The following CDKAL1 variants were observed in gnomAD, a reference collection of about 807,000 sequenced individuals.
CDKAL1 encodes the protein threonylcarbamoyladenosine tRNA methylthiotransferase.
In CDKAL1, 32 loss-of-function variants were observed where a neutral mutation model predicts 68.2. The ratio of observed to expected loss-of-function variants is 0.47; its 90% CI spans 0.35 to 0.63. The LOEUF (loss-of-function observed/expected upper bound fraction) is 0.63. Ranked by LOEUF, CDKAL1 falls within the 30% of genes least tolerant of loss-of-function variation. The pLI is 0.00. For synonymous variants in CDKAL1, 234 were observed against 244.3 expected (o/e 0.96, Z 0.39); for missense variants, 606 against 696.7 (o/e 0.87, Z 1.47).
intron 9 of CDKAL1, among the ~76,000 whole-genome samples, chr6:20,911,046 C>A (rs980513262): frequency 6.6e-6 from 1 of 152,196 alleles, no homozygotes; most frequent in East Asian, 1.9e-4. Flanking sequence ...CCACCCTGTT[C>A]GTAGTACTTT....
chr6:21,064,131 T>A (rs1036346858), intron 11 of CDKAL1, among the ~76,000 whole-genome samples: 1 of 152,206 alleles, frequency 6.6e-6, no homozygotes, highest in African/African-American at 2.4e-5. Flanking sequence ...ACTTTTTGAC[T>A]TGGAGTGCTA....
chr6:20,758,443 T>C (rs1168415470), intron 6 of CDKAL1, 152 bp from the exon 7 acceptor site: 1 of 582,632 alleles, frequency 1.7e-6, no homozygotes, highest in Admixed American at 3.1e-5. Context: ...AATATTAATA[T>C]AGGATATTTT....
intron 9 of CDKAL1, among the ~76,000 whole-genome samples, chr6:20,916,390 G>A (rs563033421): frequency 6.6e-6 from 1 of 152,180 alleles, no homozygotes; most frequent in Non-Finnish European, 1.5e-5. Flanking sequence ...TTTTTGGAAG[G>A]ATGGAGGAAG....
intron 13 of CDKAL1, among the ~76,000 whole-genome samples, chr6:21,194,994 T>C (rs1203530510): frequency 6.6e-6 from 1 of 152,196 alleles, no homozygotes; most frequent in Non-Finnish European, 1.5e-5. Context: ...CAGACTGGAG[T>C]GCAGTGGCAT....
chr6:21,162,560 C>T (rs547081582), intron 13 of CDKAL1, among the ~76,000 whole-genome samples: 4 of 152,240 alleles, frequency 2.6e-5, no homozygotes, highest in African/African-American at 9.6e-5. Context: ...AAACAAAAGC[C>T]ACCTGACTCA....
chr6:20,570,708 A>G (rs1230036549), intron 4 of CDKAL1, among the ~76,000 whole-genome samples: 1 of 152,174 alleles, frequency 6.6e-6, no homozygotes. Context: ...TTTAGAATGC[A>G]TTTTATCTGC....
intron 9 of CDKAL1, among the ~76,000 whole-genome samples, chr6:20,893,652 A>G (rs369197506): frequency 1.8e-4 from 27 of 152,354 alleles, no homozygotes; most frequent in South Asian, 1.0e-3. Flanking sequence ...TGAAGCAACT[A>G]TTCTACTATT....
chr6:20,931,539 C>A lies in CDKAL1; in HGVS notation c.743-23880C>A, dbSNP rs141999574. 4.6e-5 allele frequency among the ~76,000 whole-genome samples: 7 copies of A among 152,250 alleles called. No homozygotes were observed. The East Asian group carries it at 1.3e-3, about 29-fold the overall frequency. On this transcript the variant is annotated intron_variant, in intron 9 of 15. Coordinates refer to ENST00000274695, the MANE Select transcript of CDKAL1 (RefSeq NM_017774.3). ...AAAAGGATTAAAGCGCAATTAAGTTCTTTCCAAAAATGTGTGGTGGCATTT... is the reference window on the plus strand; with the variant it reads ...AAAAGGATTAAAGCGCAATTAAGTTATTTCCAAAAATGTGTGGTGGCATTT...
At chr6:21,017,885 C>T (rs1021640218) in intron 11 of CDKAL1, among the ~76,000 whole-genome samples, 3 of 151,088 alleles carry the variant, frequency 2.0e-5, no homozygotes, top group Admixed American at 6.6e-5. Context: ...TAATTTAATT[C>T]CTCCATTTCT....
chr6:20,804,043 A>T (rs1029412079), intron 8 of CDKAL1, among the ~76,000 whole-genome samples: 2 of 152,188 alleles, frequency 1.3e-5, no homozygotes, highest in Admixed American at 6.5e-5. Flanking sequence ...CCAATATTAT[A>T]TATTTAATTA....
chr6:20,559,483 G>A (rs911278432), intron 4 of CDKAL1: 2 of 152,148 alleles, frequency 1.3e-5, no homozygotes, highest in Admixed American at 6.6e-5. Context: ...AAAGATGTGG[G>A]AGAAGTTAAT....
At chr6:21,230,353 G>C (rs1471303895) in intron 15 of CDKAL1, among the ~76,000 whole-genome samples, 1 of 152,282 alleles carries the variant, frequency 6.6e-6, no homozygotes, top group African/African-American at 2.4e-5. Context: ...GTGGAGACGG[G>C]GTTTCACCAT....
chr6:21,018,136 G>A (rs1768443227), intron 11 of CDKAL1, among the ~76,000 whole-genome samples: 1 of 152,162 alleles, frequency 6.6e-6, no homozygotes, highest in Admixed American at 6.5e-5. Context: ...TGGTGTACCA[G>A]CAGAAAGGGC....
intron 5 of CDKAL1, among the ~76,000 whole-genome samples, chr6:20,732,682 G>A (rs946882320): frequency 2.0e-5 from 3 of 152,096 alleles, no homozygotes; most frequent in African/African-American, 7.2e-5. Context: ...TCTGATGCGT[G>A]TTTTATTTTT....
intron 8 of CDKAL1, among the ~76,000 whole-genome samples, chr6:20,809,981 G>A (rs1475403058): frequency 6.6e-6 from 1 of 152,128 alleles, no homozygotes; most frequent in Non-Finnish European, 1.5e-5. Flanking sequence ...TTGGTTTAAA[G>A]ATAGATGAAG....
chr6:20,559,544 C>G (rs1238390835), intron 4 of CDKAL1: 1 of 152,122 alleles, frequency 6.6e-6, no homozygotes, highest in Non-Finnish European at 1.5e-5. Flanking sequence ...TCATCCTGTT[C>G]AACCTTTGGC....
At chr6:20,843,426 G>A (rs1448746785) in intron 8 of CDKAL1, among the ~76,000 whole-genome samples, 1 of 151,746 alleles carries the variant, frequency 6.6e-6, no homozygotes, top group Non-Finnish European at 1.5e-5. Flanking sequence ...TGAAATGCTT[G>A]GAACCAGCAT....
intron 12 of CDKAL1, among the ~76,000 whole-genome samples, chr6:21,074,603 C>G (rs913359341): frequency 6.6e-6 from 1 of 152,046 alleles, no homozygotes; most frequent in African/African-American, 2.4e-5. Context: ...AATGGTGAAA[C>G]TTGAGAGATC....
chr6:20,998,080 T>G (rs564529819), intron 10 of CDKAL1, among the ~76,000 whole-genome samples: 1 of 152,238 alleles, frequency 6.6e-6, no homozygotes, highest in South Asian at 2.1e-4. Flanking sequence ...GTGTATTACA[T>G]GTCAAGATGT....
Sources: allele counts gnomAD v4.1 joint callset (sites outside exome capture counted in the v4.1 genomes callset), GRCh38; gene constraint gnomAD v4.1.1; transcripts MANE v1.5; gene names NCBI Gene and HGNC (gene_info 2026-07-23, HGNC 2026-07-21).